Variants in DLG1 observed in about 807,000 individuals in gnomAD.
The protein encoded by DLG1 is discs large MAGUK scaffold protein 1.
A neutral mutation model predicts 123.4 loss-of-function variants in DLG1; 42 were observed. That is an observed-to-expected ratio of 0.34 (90% CI 0.27 to 0.44). The LOEUF (loss-of-function observed/expected upper bound fraction) is 0.44, where lower values mean the gene tolerates loss of function less well. Ranked by LOEUF, DLG1 falls within the 20% of genes least tolerant of loss-of-function variation. DLG1 has a pLI of 1.00. For missense variants in DLG1, 942 were observed against 1,082.6 expected, an observed-to-expected ratio of 0.87 and a Z score of 1.82; for synonymous variants, 317 against 356.2, an observed-to-expected ratio of 0.89 and a Z score of 1.24.
rs552624896 is a variant in DLG1 at position 197,212,219 on chromosome 3, T to TA, written c.319-17631dup. ...CGTGTACCCCTGAACCTAAAAGTTTTAAAAAACAAACAAAAAACCCTACCG... is the reference window on the plus strand; with the variant it reads ...CGTGTACCCCTGAACCTAAAAGTTTTAAAAAAACAAACAAAAAACCCTACCG... On this transcript the variant is annotated intron_variant, in intron 4 of 24. Transcript: ENST00000667157. 1.2e-4 allele frequency among the ~76,000 whole-genome samples: 17 copies of TA among 146,126 alleles called. 3 individuals carry two copies. In the East Asian group the frequency reaches 2.0e-3, roughly 17 times the overall value.
intron 5 of DLG1, among the ~76,000 whole-genome samples, chr3:197,163,245 T>G (rs906022874): frequency 6.6e-6 from 1 of 152,168 alleles, no homozygotes; most frequent in Admixed American, 6.5e-5. Flanking sequence ...GGAACTCTGG[T>G]ACAATGCTGG....
chr3:197,275,000 T>G (rs982578503), intron 4 of DLG1, among the ~76,000 whole-genome samples: 1 of 152,102 alleles, frequency 6.6e-6, no homozygotes, highest in East Asian at 1.9e-4. Context: ...TCAGCCAGCA[T>G]AGTGAAACCC....
intron 5 of DLG1, among the ~76,000 whole-genome samples, chr3:197,158,852 T>A (rs1797611537): frequency 6.6e-6 from 1 of 152,294 alleles, no homozygotes; most frequent in African/African-American, 2.4e-5. Context: ...AAATTAGCTC[T>A]TAAAGCATTT....
In DLG1 at chr3:197,130,507, A is replaced by G. The variant is rs1298915825; in HGVS notation, c.1165+20T>C. On this transcript the variant is annotated intron_variant, in intron 11 of 24. Coordinates refer to ENST00000667157, the MANE Select transcript of DLG1 (RefSeq NM_001366207.1). ...GAAGAAGTAAGATAAATTTAAGCAA[A>G]CGTATGCTAACAGACTTACAGTTGG... The G allele has an allele frequency of 3.2e-6, 5 of 1,551,670 alleles. No homozygotes were observed. The highest frequency in any genetic ancestry group is 1.4e-5 in the African/African-American group (1 of 73,296).
chr3:197,184,743 G>T (rs927250659), intron 5 of DLG1, among the ~76,000 whole-genome samples: 1 of 152,100 alleles, frequency 6.6e-6, no homozygotes, highest in African/African-American at 2.4e-5. Flanking sequence ...AAGAATTAAC[G>T]CTGGTAAATT....
At chr3:197,050,353 C>T (rs1274060881) in intron 24 of DLG1, among the ~76,000 whole-genome samples, 1 of 148,614 alleles carries the variant, frequency 6.7e-6, no homozygotes, top group Admixed American at 6.8e-5. Context: ...GGCGACAGAG[C>T]CAGACTCCAT....
At chr3:197,233,562 T>C (rs1744387045) in intron 4 of DLG1, among the ~76,000 whole-genome samples, 1 of 152,194 alleles carries the variant, frequency 6.6e-6, no homozygotes, top group South Asian at 2.1e-4. Context: ...TTTTTGTATT[T>C]TTGGTAGAGA....
intron 18 of DLG1, among the ~76,000 whole-genome samples, chr3:197,072,981 G>A (rs1745011096): frequency 2.0e-5 from 3 of 152,178 alleles, no homozygotes; most frequent in East Asian, 1.9e-4. Flanking sequence ...ACAGGCGTGA[G>A]TCACCGCGCC....
intron 4 of DLG1, among the ~76,000 whole-genome samples, chr3:197,216,379 T>A (rs1432286656): frequency 2.0e-5 from 3 of 151,946 alleles, no homozygotes; most frequent in African/African-American, 7.3e-5. Flanking sequence ...TGAGAGTGAG[T>A]CATATTCACA....
At chr3:197,055,931 C>A (rs1206109392) in intron 23 of DLG1, among the ~76,000 whole-genome samples, 1 of 152,174 alleles carries the variant, frequency 6.6e-6, no homozygotes, top group African/African-American at 2.4e-5. Flanking sequence ...AGCAAAGATT[C>A]CTGCTATTTG....
intron 3 of DLG1, among the ~76,000 whole-genome samples, chr3:197,290,653 T>C (rs1774381020): frequency 6.6e-6 from 1 of 152,008 alleles, no homozygotes; most frequent in African/African-American, 2.4e-5. Context: ...TTCAAAATCA[T>C]CAATCTCAGC....
At chr3:197,138,684 C>T (rs893429483) in intron 8 of DLG1, among the ~76,000 whole-genome samples, 1 of 152,106 alleles carries the variant, frequency 6.6e-6, no homozygotes, top group Non-Finnish European at 1.5e-5. Context: ...CATGCTTATT[C>T]TGTGTAGGCA....
intron 14 of DLG1, among the ~76,000 whole-genome samples, chr3:197,100,605 A>C (rs1762932404): frequency 6.6e-6 from 1 of 152,210 alleles, no homozygotes; most frequent in African/African-American, 2.4e-5. Context: ...ACTCTTGAGG[A>C]ACAATAAGAT....
At chr3:197,120,398 T>C (rs1217317755) in intron 11 of DLG1, among the ~76,000 whole-genome samples, 3 of 152,212 alleles carry the variant, frequency 2.0e-5, no homozygotes, top group Non-Finnish European at 2.9e-5. Flanking sequence ...CTGACCATGC[T>C]TTCTAAAGAC....
rs11922820 is a variant in DLG1 at position 197,115,827 on chromosome 3, A to C, written c.1443+100T>G. 2,268 of 1,146,538 alleles carry C rather than the reference A, an allele frequency of 2.0e-3. 36 individuals carry two copies. In the African/African-American group the frequency reaches 0.033, roughly 17 times the overall value. The allele number at this position is 1,146,538 out of a possible 1,614,324, so 71.0% of individuals were successfully genotyped here. Reference sequence around the variant, plus strand: ...GTAAAATGTTAAGAAGATAACCAAGATATCCCCATTACTTTAGGATATAAA... The same window carrying C: ...GTAAAATGTTAAGAAGATAACCAAGCTATCCCCATTACTTTAGGATATAAA... On this transcript the variant is annotated intron_variant, in intron 13 of 24. Coordinates refer to ENST00000667157, the MANE Select transcript of DLG1 (RefSeq NM_001366207.1).
intron 22 of DLG1, among the ~76,000 whole-genome samples, chr3:197,061,689 C>T (rs538068153): frequency 7.9e-5 from 12 of 152,090 alleles, no homozygotes; most frequent in East Asian, 3.8e-4. Context: ...TACTCACTCT[C>T]GGATGGCAGG....
At chr3:197,284,950 A>G (rs555656853) in intron 3 of DLG1, among the ~76,000 whole-genome samples, 38 of 151,994 alleles carry the variant, frequency 2.5e-4, no homozygotes, top group African/African-American at 8.9e-4. Flanking sequence ...TAACATGTAC[A>G]CTAAGAAACC....
At chr3:197,285,322 A>G (rs1176447257) in intron 3 of DLG1, among the ~76,000 whole-genome samples, 3 of 152,096 alleles carry the variant, frequency 2.0e-5, no homozygotes, top group Non-Finnish European at 4.4e-5. Context: ...AACATTTCTC[A>G]AACTAAAGAA....
intron 11 of DLG1, among the ~76,000 whole-genome samples, chr3:197,121,086 G>C (rs1162592067): frequency 1.3e-5 from 2 of 151,890 alleles, no homozygotes; most frequent in African/African-American, 4.8e-5. Flanking sequence ...AAAACAACTA[G>C]ACAAGAAATC....
Sources: allele counts gnomAD v4.1 joint callset (sites outside exome capture counted in the v4.1 genomes callset), GRCh38; gene constraint gnomAD v4.1.1; transcripts MANE v1.5; gene names NCBI Gene and HGNC (gene_info 2026-07-23, HGNC 2026-07-21).